The following ETS1 variants were observed in gnomAD, a reference collection of about 807,000 sequenced individuals.
ETS1 encodes protein C-ets-1.
A neutral mutation model predicts 58.6 loss-of-function variants in ETS1; 15 were observed. The ratio of observed to expected loss-of-function variants is 0.26; its 90% CI spans 0.17 to 0.39. The LOEUF (loss-of-function observed/expected upper bound fraction) is 0.39. Ranked by LOEUF, ETS1 falls within the 10% of genes least tolerant of loss-of-function variation. The pLI is 1.00. For synonymous variants in ETS1, 214 were observed against 218.2 expected (o/e 0.98, Z 0.17); for missense variants, 417 against 610.5 (o/e 0.68, Z 3.34).
intron 3 of ETS1, among the ~76,000 whole-genome samples, chr11:128,554,069 G>A (rs977065372): frequency 3.3e-5 from 5 of 151,950 alleles, no homozygotes; most frequent in Non-Finnish European, 5.9e-5. Context: ...CACAATCCCC[G>A]TCCAAACAAC....
intron 3 of ETS1, among the ~76,000 whole-genome samples, chr11:128,504,294 A>G (rs1863171849): frequency 6.6e-6 from 1 of 152,150 alleles, no homozygotes; most frequent in African/African-American, 2.4e-5. Context: ...TATCAGCCCG[A>G]GTCCTCTCCT....
intron 3 of ETS1, among the ~76,000 whole-genome samples, chr11:128,550,095 T>C (rs1401209273): frequency 1.3e-5 from 2 of 152,138 alleles, no homozygotes; most frequent in Admixed American, 6.5e-5. Context: ...AAGAGTGTAT[T>C]TCACCTGTGA....
At chr11:128,468,999 T>C (rs1180287213) in intron 8 of ETS1, among the ~76,000 whole-genome samples, 1 of 152,208 alleles carries the variant, frequency 6.6e-6, no homozygotes, top group African/African-American at 2.4e-5. Flanking sequence ...ATTACATTAC[T>C]GAAACAAACC....
At chr11:128,564,232 G>A (rs1420267208) in intron 2 of ETS1, among the ~76,000 whole-genome samples, 1 of 152,162 alleles carries the variant, frequency 6.6e-6, no homozygotes, top group East Asian at 1.9e-4. Flanking sequence ...GGTGGTGAGG[G>A]GGTGCAGCCA....
chr11:128,479,783 T>C (rs1391989848), intron 8 of ETS1, among the ~76,000 whole-genome samples: 1 of 152,022 alleles, frequency 6.6e-6, no homozygotes, highest in East Asian at 1.9e-4. Flanking sequence ...GGCCATTCAG[T>C]TGTGCCTTTG....
chr11:128,486,112 G>T lies in ETS1; in HGVS notation c.570C>A (p.Asn190Lys). 1 of 1,611,696 alleles carries T rather than the reference G, an allele frequency of 6.2e-7. No homozygotes were observed. Among genetic ancestry groups the T allele is most frequent in the Non-Finnish European group, 8.5e-7 (1 of 1,177,878 alleles). Residue 190 changes from asparagine to lysine, a missense_variant, in exon 6 of 10, where the codon AAC (asparagine) becomes AAA (lysine). Transcript: ENST00000392668. ...TATAGCGGGATTCTGGATAGGCTGG[G>T]TTGACTCCATTAACTTGATATGGTT... ...DVKPYQVNGV[N>K]PAYPESRYTS...
At chr11:128,474,470 T>G (rs1402765160) in intron 8 of ETS1, among the ~76,000 whole-genome samples, 2 of 152,170 alleles carry the variant, frequency 1.3e-5, no homozygotes, top group Non-Finnish European at 2.9e-5. Context: ...TAAGAAAAAT[T>G]CATACAAAAC....
intron 3 of ETS1, chr11:128,536,335 A>C (rs1382908592): frequency 1.3e-5 from 2 of 152,246 alleles, no homozygotes; most frequent in Non-Finnish European, 2.9e-5. Flanking sequence ...ACAAAGATAA[A>C]TGGAAAACAT....
At chr11:128,498,547 C>T (rs1045711949) in intron 3 of ETS1, among the ~76,000 whole-genome samples, 1 of 152,124 alleles carries the variant, frequency 6.6e-6, no homozygotes, top group Non-Finnish European at 1.5e-5. Flanking sequence ...TCCAATGCAC[C>T]TAAGATGCCT....
At chr11:128,490,633 T>TA in intron 3 of ETS1, 57 bp from the exon 4 acceptor site, 1 of 1,407,674 alleles carries the variant, frequency 7.1e-7, no homozygotes, top group Non-Finnish European at 1.0e-6. Context: ...GAACCAATCA[T>TA]AAAACATTAC....
At chr11:128,579,703 C>T (rs776790330) in intron 1 of ETS1, among the ~76,000 whole-genome samples, 12 of 151,276 alleles carry the variant, frequency 7.9e-5, no homozygotes, top group Middle Eastern at 3.4e-3. Context: ...AACAACTAAC[C>T]ATGTAAAAAA....
chr11:128,545,737 A>G (rs1864123521), intron 3 of ETS1, among the ~76,000 whole-genome samples: 1 of 152,266 alleles, frequency 6.6e-6, no homozygotes, highest in African/African-American at 2.4e-5. Flanking sequence ...TCAGTTAAGA[A>G]GCAACATAGA....
At chr11:128,506,297 TA>T (rs763764838) in intron 3 of ETS1, among the ~76,000 whole-genome samples, 1 of 151,882 alleles carries the variant, frequency 6.6e-6, no homozygotes, top group East Asian at 1.9e-4. Context: ...TATCTCAATT[TA>T]AAAAAAAGTA....
intron 8 of ETS1, among the ~76,000 whole-genome samples, chr11:128,473,937 A>C (rs370236520): frequency 6.6e-6 from 1 of 152,230 alleles, no homozygotes; most frequent in African/African-American, 2.4e-5. Context: ...ATGTCTCAGC[A>C]GCACGCTGGC....
At chr11:128,489,635 TC>T in intron 4 of ETS1, 145 bp from the exon 5 acceptor site, 2 of 654,112 alleles carry the variant, frequency 3.1e-6, no homozygotes, top group Middle Eastern at 4.1e-4. Flanking sequence ...AGCCTGCACA[TC>T]ATTGAGTGCC....
intron 3 of ETS1, among the ~76,000 whole-genome samples, chr11:128,491,664 T>C (rs1448822936): frequency 1.3e-5 from 2 of 152,364 alleles, no homozygotes; most frequent in African/African-American, 4.8e-5. Context: ...TGAGTATGAA[T>C]GGATGAGCAA....
chr11:128,486,566 C>T (rs1862638226), intron 5 of ETS1, among the ~76,000 whole-genome samples: 1 of 152,218 alleles, frequency 6.6e-6, no homozygotes, highest in Non-Finnish European at 1.5e-5. Flanking sequence ...AAATATATTG[C>T]AGTCTTTAGG....
At chr11:128,543,057 C>A (rs1173325255) in intron 3 of ETS1, among the ~76,000 whole-genome samples, 1 of 151,854 alleles carries the variant, frequency 6.6e-6, no homozygotes, top group East Asian at 1.9e-4. Context: ...CGACTGTAAT[C>A]CCAGCTACTC....
intron 3 of ETS1, among the ~76,000 whole-genome samples, chr11:128,523,903 C>G (rs74693433): frequency 1.9e-4 from 29 of 150,030 alleles, no homozygotes; most frequent in Non-Finnish European, 3.3e-4. Context: ...TACATTTACA[C>G]GTCCAAATGA....
Sources: allele counts gnomAD v4.1 joint callset (sites outside exome capture counted in the v4.1 genomes callset), GRCh38; gene constraint gnomAD v4.1.1; transcripts MANE v1.5; gene names NCBI Gene and HGNC (gene_info 2026-07-23, HGNC 2026-07-21).